The following SPTA1 variants were observed in gnomAD, a reference collection of about 807,000 sequenced individuals.
The protein encoded by SPTA1 is spectrin alpha chain, erythrocytic 1.
In SPTA1, 177 loss-of-function variants were observed where a neutral mutation model predicts 324.7. That is an observed-to-expected ratio of 0.55 (90% CI 0.48 to 0.62). The LOEUF (loss-of-function observed/expected upper bound fraction) is 0.62. Among genes scored for constraint, SPTA1 ranks in the 20% least tolerant of loss-of-function variants. The pLI is 0.00. For missense variants in SPTA1, 3,162 were observed against 2,883.6 expected, an observed-to-expected ratio of 1.10 and a Z score of -2.21; for synonymous variants, 1,195 against 1,041.3, an observed-to-expected ratio of 1.15 and a Z score of -2.84.
At chr1:158,678,596 A>C (rs957636186) in intron 5 of SPTA1, 62 bp from the exon 6 acceptor site, 1 of 1,573,276 alleles carries the variant, frequency 6.4e-7, no homozygotes, top group Non-Finnish European at 8.7e-7. Flanking sequence ...AAAATTATTC[A>C]AACACTTTTC....
chr1:158,629,640 C>T (rs1384670461), intron 39 of SPTA1, among the ~76,000 whole-genome samples: 4 of 151,988 alleles, frequency 2.6e-5, no homozygotes, highest in African/African-American at 9.7e-5. Context: ...GATAATCGCT[C>T]TCACTATTTC....
At chr1:158,666,251 A>T in intron 16 of SPTA1, 65 bp downstream of exon 16, 1 of 1,542,838 alleles carries the variant, frequency 6.5e-7, no homozygotes, top group African/African-American at 1.4e-5. Context: ...TTATTACTTA[A>T]TAACGAGTGT....
chr1:158,648,211 G>A (rs1652142467), intron 26 of SPTA1, among the ~76,000 whole-genome samples: 2 of 152,116 alleles, frequency 1.3e-5, no homozygotes, highest in Admixed American at 1.3e-4. Context: ...CTGGGCTACT[G>A]GCCTCCACCT....
intron 4 of SPTA1, 129 bp from the exon 5 acceptor site, chr1:158,680,858 T>C: frequency 7.9e-7 from 1 of 1,271,512 alleles, no homozygotes; most frequent in Non-Finnish European, 1.1e-6. Context: ...TGGGAGAAGC[T>C]CTCCTGGAAA....
At chr1:158,643,571 G>C (rs1210340186) in intron 30 of SPTA1, 146 bp from the exon 31 acceptor site, 1 of 821,722 alleles carries the variant, frequency 1.2e-6, no homozygotes, top group African/African-American at 1.7e-5. Flanking sequence ...CTTACAGGGA[G>C]GTGGGTTTCA....
chr1:158,674,277 T>C (rs989185981), intron 10 of SPTA1, 52 bp downstream of exon 10: 2 of 1,493,234 alleles, frequency 1.3e-6, no homozygotes, highest in African/African-American at 1.4e-5. Context: ...TGAGATTATG[T>C]AATGACTACA....
At chr1:158,623,491 G>T (rs1448715908) in intron 42 of SPTA1, among the ~76,000 whole-genome samples, 1 of 152,154 alleles carries the variant, frequency 6.6e-6, no homozygotes. Context: ...ATGTGTCATG[G>T]GAGGGAGCCA....
chr1:158,633,932 A>G (rs1415418058), intron 39 of SPTA1, among the ~76,000 whole-genome samples: 2 of 152,136 alleles, frequency 1.3e-5, no homozygotes, highest in Admixed American at 6.6e-5. Flanking sequence ...TAAATTCCCA[A>G]TTTTTAGGGT....
Position 158,612,903 on chromosome 1 carries a change from T to G in SPTA1, c.7048A>C (p.Asn2350His). The G allele has an allele frequency of 6.2e-7, 1 of 1,613,948 alleles. No individual in the cohort carries two copies. ...TAFLIDKESENIKSSDEIENA... is the reference protein window; with the variant it reads ...TAFLIDKESEHIKSSDEIENA... ...TCTATTTCATCACTGGACTTGATGT[T>G]TTCTGACTCCTTGTCAATCAGGAAA... The change falls in exon 51 of 52, where the codon AAC (asparagine) becomes CAC (histidine). Residue 2350 changes from asparagine to histidine, a missense_variant. Asn to His is a moderately conservative substitution (Grantham distance 68, BLOSUM62 1). Transcript: ENST00000643759.
rs1311543775 is a variant in SPTA1, at chr1:158,653,260, G to C, written c.3188+14C>G. On this transcript the variant is annotated intron_variant, in intron 22 of 51. Transcript: ENST00000643759. ...GACCAAATACTGTTCAGTTCTCCAGGCTCCAGAACTTACTGGTTCTCAATC... is the reference window on the plus strand; with the variant it reads ...GACCAAATACTGTTCAGTTCTCCAGCCTCCAGAACTTACTGGTTCTCAATC... 2 of 1,613,866 alleles carry C rather than the reference G, an allele frequency of 1.2e-6. No homozygotes were observed. The highest frequency in any genetic ancestry group is 1.7e-6 in the Non-Finnish European group (2 of 1,179,976).
At chr1:158,679,653 A>G (rs1180493956) in intron 5 of SPTA1, among the ~76,000 whole-genome samples, 2 of 152,072 alleles carry the variant, frequency 1.3e-5, no homozygotes, top group African/African-American at 4.8e-5. Context: ...GAGCCACCTG[A>G]TCACTTCAGA....
rs779285185 is a variant in SPTA1, at chr1:158,645,373, C to T, written c.4009G>A (p.Asp1337Asn). 6.2e-7 allele frequency: 1 copy of T among 1,613,868 alleles called. No individual in the cohort carries two copies. Among genetic ancestry groups the T allele is most frequent in the Non-Finnish European group, 8.5e-7 (1 of 1,179,948 alleles). ...AAGGTGGGAGCCTCTGCCTCCATGTCAGCACGGTGCTCCTGTGGGAAAAAG... is the reference window on the plus strand; with the variant it reads ...AAGGTGGGAGCCTCTGCCTCCATGTTAGCACGGTGCTCCTGTGGGAAAAAG... ...LLERHQEHRA[D>N]MEAEAPTFQA... Residue 1337 changes from aspartate (D) to asparagine (N), a missense_variant, in exon 29 of 52, where the codon GAC becomes AAC. Physicochemically the swap from Asp to Asn is conservative, Grantham distance 23 (BLOSUM62 1). Transcript: ENST00000643759.
intron 38 of SPTA1, 138 bp from the exon 39 acceptor site, chr1:158,634,813 A>C: frequency 2.1e-6 from 2 of 937,672 alleles, no homozygotes; most frequent in Non-Finnish European, 3.3e-6. Flanking sequence ...GCCTCAACAC[A>C]GTATAATAGG....
intron 42 of SPTA1, among the ~76,000 whole-genome samples, chr1:158,624,061 G>C (rs536919310): frequency 1.3e-5 from 2 of 152,344 alleles, no homozygotes; most frequent in African/African-American, 2.4e-5. Context: ...CAGAAGTCAA[G>C]AATTGAGGTT....
At chr1:158,681,694 C>G (rs370490937) in intron 3 of SPTA1, 27 bp from the exon 4 acceptor site, 22 of 1,613,198 alleles carry the variant, frequency 1.4e-5, no homozygotes, top group Non-Finnish European at 1.9e-5. Context: ...CAAAACCACT[C>G]AGCCACAGAC....
chr1:158,638,497 T>C (rs1651265202), intron 35 of SPTA1, among the ~76,000 whole-genome samples: 1 of 152,044 alleles, frequency 6.6e-6, no homozygotes, highest in African/African-American at 2.4e-5. Flanking sequence ...TCTGATATTT[T>C]CAGTATTTGC....
At chr1:158,685,475 T>C (rs1655110902) in intron 1 of SPTA1, 128 bp from the exon 2 acceptor site, 5 of 1,303,596 alleles carry the variant, frequency 3.8e-6, no homozygotes, top group Non-Finnish European at 4.3e-6. Flanking sequence ...CTAGGGACTA[T>C]TGTCAGAAGA....
At chr1:158,668,340 A>T (rs953487225) in intron 14 of SPTA1, among the ~76,000 whole-genome samples, 4 of 152,148 alleles carry the variant, frequency 2.6e-5, no homozygotes, top group Non-Finnish European at 5.9e-5. Flanking sequence ...AAGCACTAAC[A>T]ATCAGAGCTG....
chr1:158,627,254 G>A (rs1194809040), intron 40 of SPTA1, among the ~76,000 whole-genome samples: 1 of 152,126 alleles, frequency 6.6e-6, no homozygotes, highest in Non-Finnish European at 1.5e-5. Flanking sequence ...AAATTTAAAA[G>A]AGCTTTCAGT....
Sources: allele counts gnomAD v4.1 joint callset (sites outside exome capture counted in the v4.1 genomes callset), GRCh38; gene constraint gnomAD v4.1.1; transcripts MANE v1.5; gene names NCBI Gene and HGNC (gene_info 2026-07-23, HGNC 2026-07-21).